The following NOSTRIN variants were observed in gnomAD, a reference collection of about 807,000 sequenced individuals.
The protein encoded by NOSTRIN is nitric oxide synthase trafficking.
Under a neutral mutation model 59.0 loss-of-function variants are expected in NOSTRIN, and 63 were observed. The ratio of observed to expected loss-of-function variants is 1.07; its 90% CI spans 0.87 to 1.32. The LOEUF (loss-of-function observed/expected upper bound fraction) is 1.32, where lower values mean the gene tolerates loss of function less well. Ranked by LOEUF, NOSTRIN falls within the 40% of genes most tolerant of loss-of-function variation. NOSTRIN has a pLI of 0.00. For synonymous variants in NOSTRIN, 200 were observed against 165.4 expected, an observed-to-expected ratio of 1.21 and a Z score of -1.61; for missense variants, 512 against 473.1, an observed-to-expected ratio of 1.08 and a Z score of -0.76.
At chr2:168,857,531 A>G (rs1181503821) in intron 12 of NOSTRIN, among the ~76,000 whole-genome samples, 1 of 152,202 alleles carries the variant, frequency 6.6e-6, no homozygotes, top group Non-Finnish European at 1.5e-5. Context: ...CTCTAGCCCC[A>G]TAGACATTCG....
At chr2:168,832,018 T>A (rs185150972) in intron 6 of NOSTRIN, among the ~76,000 whole-genome samples, 31 of 152,348 alleles carry the variant, frequency 2.0e-4, no homozygotes, top group Admixed American at 1.2e-3. Context: ...GTTTTGTTTT[T>A]TTCATTTGTA....
chr2:168,810,826 C>T (rs564510334), intron 1 of NOSTRIN, among the ~76,000 whole-genome samples: 1 of 152,302 alleles, frequency 6.6e-6, no homozygotes, highest in East Asian at 1.9e-4. Flanking sequence ...TGACATTTAG[C>T]TTCTCTGTTT....
intron 12 of NOSTRIN, among the ~76,000 whole-genome samples, chr2:168,857,710 G>A (rs1450286944): frequency 6.6e-6 from 1 of 152,232 alleles, no homozygotes; most frequent in Non-Finnish European, 1.5e-5. Context: ...GTTAATCTGA[G>A]AATCATTTAA....
chr2:168,787,476 C>T (rs1452306055), intron 1 of NOSTRIN, among the ~76,000 whole-genome samples: 1 of 152,188 alleles, frequency 6.6e-6, no homozygotes, highest in Non-Finnish European at 1.5e-5. Flanking sequence ...AAAGCCTTAG[C>T]CTTTGGGAAT....
At position 168,840,693 on chromosome 2, in the gene NOSTRIN, G is replaced by A. The variant is rs1374586471; in HGVS notation, c.505-2299G>A. Among the ~76,000 whole-genome samples the A allele has an allele frequency of 2.0e-5, 3 of 152,220 alleles. No individual in the cohort carries two copies. The East Asian group carries it at 5.8e-4, about 29-fold the overall frequency. ...AATGTTTTTCATGATTGTAAGGTTA[G>A]TCAAAATGCCCTTAAATAGAGAGAG... On this transcript the variant is annotated intron_variant, in intron 7 of 15. Transcript: ENST00000317647.
chr2:168,818,179 G>A (rs1455484465), intron 2 of NOSTRIN: 2 of 355,636 alleles, frequency 5.6e-6, no homozygotes, highest in South Asian at 2.2e-5. Flanking sequence ...TAGAGATGGG[G>A]TTCTCATTCT....
chr2:168,840,895 T>C (rs1688056813), intron 7 of NOSTRIN, among the ~76,000 whole-genome samples: 1 of 152,188 alleles, frequency 6.6e-6, no homozygotes, highest in African/African-American at 2.4e-5. Context: ...TAAGTATTGC[T>C]ACTTGTAGAA....
rs1003053993 is a variant in NOSTRIN at position 168,815,247 on chromosome 2, T to G, written c.113+3595T>G. 5.9e-5 allele frequency among the ~76,000 whole-genome samples: 9 copies of G among 152,238 alleles called. No homozygotes were observed. In the South Asian group the frequency reaches 1.9e-3, roughly 32 times the overall value. ...GCAATTCATGGTCATGCTTAGCTTCTTTTATCCAATTAGCTACCTCAGCTT... is the reference window on the plus strand; with the variant it reads ...GCAATTCATGGTCATGCTTAGCTTCGTTTATCCAATTAGCTACCTCAGCTT... On this transcript the variant is annotated intron_variant, in intron 2 of 15. Transcript: ENST00000317647.
chr2:168,790,912 G>GA (rs1452449406), intron 2 of NOSTRIN, among the ~76,000 whole-genome samples: 1 of 151,984 alleles, frequency 6.6e-6, no homozygotes. Flanking sequence ...AGGACAGAAG[G>GA]AAAAAAATCC....
At chr2:168,834,509 A>ACGCG (rs1466856410) in intron 7 of NOSTRIN, among the ~76,000 whole-genome samples, 184 bp downstream of exon 7, 2 of 41,724 alleles carry the variant, frequency 4.8e-5, no homozygotes, top group Non-Finnish European at 1.8e-4. Flanking sequence ...GCGCGCGCGC[A>ACGCG]CACACACACA....
chr2:168,861,863 G>T, intron 14 of NOSTRIN, 97 bp from the exon 15 acceptor site: 5 of 1,088,660 alleles, frequency 4.6e-6, no homozygotes, highest in Non-Finnish European at 6.8e-6. Context: ...TTAATATATT[G>T]AAACTCTGCA....
chr2:168,832,596 C>T (rs1428858362), intron 6 of NOSTRIN, among the ~76,000 whole-genome samples: 2 of 152,094 alleles, frequency 1.3e-5, no homozygotes, highest in African/African-American at 4.8e-5. Flanking sequence ...GGACTGACTC[C>T]ATAAGACCAA....
chr2:168,797,297 A>T, upstream of NOSTRIN, among the ~76,000 whole-genome samples: 1 of 151,976 alleles, frequency 6.6e-6, no homozygotes, highest in African/African-American at 2.4e-5. Flanking sequence ...GGGTTTTACC[A>T]TGTTGCCCAG....
intron 2 of NOSTRIN, among the ~76,000 whole-genome samples, chr2:168,788,890 A>AGATAG (rs1559095604): frequency 8.3e-6 from 1 of 120,344 alleles, no homozygotes; most frequent in East Asian, 2.6e-4. Flanking sequence ...CACACAGATA[A>AGATAG]AAAGATAGAT....
At chr2:168,790,028 C>A (rs140216390) in intron 2 of NOSTRIN, among the ~76,000 whole-genome samples, 9 of 152,300 alleles carry the variant, frequency 5.9e-5, no homozygotes, top group African/African-American at 2.2e-4. Context: ...AGGCCCCCAG[C>A]CAGATCGAGT....
At position 168,861,951 on chromosome 2, in the gene NOSTRIN, C is replaced by CTATT. The variant is rs1248413830; in HGVS notation, c.1295-7_1295-4dup. 2 of 1,613,704 alleles carry CTATT rather than the reference C, an allele frequency of 1.2e-6. No individual in the cohort carries two copies. Among genetic ancestry groups the CTATT allele is most frequent in the Non-Finnish European group, 1.7e-6 (2 of 1,179,628 alleles). On this transcript the variant is annotated splice_polypyrimidine_tract_variant and intron_variant, in intron 14 of 15. Coordinates refer to ENST00000317647, the MANE Select transcript of NOSTRIN (RefSeq NM_001039724.4). ...CACAGCATACTAATTACAGCTTTAT[C>CTATT]TATTTCAGCCCCTGGTGCAGCCCAG... is the stretch of plus-strand genomic sequence containing the variant.
chr2:168,839,448 G>C (rs532385465), intron 7 of NOSTRIN, among the ~76,000 whole-genome samples: 122 of 152,218 alleles, frequency 8.0e-4, no homozygotes, highest in African/African-American at 2.4e-3. Context: ...AGCCTGTCTT[G>C]TTCCATTTTC....
At chr2:168,827,923 G>T (rs908178044) in intron 3 of NOSTRIN, among the ~76,000 whole-genome samples, 1 of 151,766 alleles carries the variant, frequency 6.6e-6, no homozygotes, top group Non-Finnish European at 1.5e-5. Flanking sequence ...TATGAAATAG[G>T]AAATGAAAAT....
chr2:168,862,645 G>A (rs1020583496), intron 15 of NOSTRIN, among the ~76,000 whole-genome samples: 6 of 152,182 alleles, frequency 3.9e-5, no homozygotes. Context: ...TCTAAAGAGT[G>A]AGATCCCCTT....
Sources: gnomAD v4.1 joint callset for allele counts (sites outside exome capture counted in the v4.1 genomes callset) on GRCh38, gnomAD v4.1.1 for gene constraint, MANE v1.5 for transcripts, NCBI Gene and HGNC (gene_info 2026-07-23, HGNC 2026-07-21) for gene names.